The following KAZN variants were observed in gnomAD, a reference collection of about 807,000 sequenced individuals.
KAZN encodes the protein kazrin.
KAZN carries 40 observed loss-of-function variants against 87.4 expected under a neutral mutation model. The ratio of observed to expected loss-of-function variants is 0.46; its 90% CI spans 0.36 to 0.60. The LOEUF is 0.60. Among genes scored for constraint, KAZN ranks in the 20% least tolerant of loss-of-function variants. The pLI, the probability that KAZN is intolerant of heterozygous loss-of-function variation, is 0.00. For synonymous variants in KAZN, 466 were observed against 458.3 expected (o/e 1.02, Z -0.22); for missense variants, 898 against 1,073.9 (o/e 0.84, Z 2.29).
chr1:14,149,399 G>C (rs1645426640), intron 1 of KAZN, among the ~76,000 whole-genome samples: 1 of 151,990 alleles, frequency 6.6e-6, no homozygotes, highest in Non-Finnish European at 1.5e-5. Context: ...GAGCCACCAT[G>C]CCTGGCCACA....
intron 6 of KAZN, chr1:15,060,521 A>T: frequency 1.6e-6 from 1 of 625,202 alleles, no homozygotes; most frequent in South Asian, 2.0e-5. Context: ...CGGGAGGGTG[A>T]GGAGAATCCA....
At chr1:14,830,679 T>C (rs1382831715) in intron 1 of KAZN, among the ~76,000 whole-genome samples, 1 of 150,284 alleles carries the variant, frequency 6.7e-6, no homozygotes, top group African/African-American at 2.5e-5. Context: ...GAAGGGGGAG[T>C]GCTACACACT....
intron 2 of KAZN, among the ~76,000 whole-genome samples, chr1:15,004,875 G>A (rs1668845598): frequency 1.3e-5 from 2 of 152,188 alleles, no homozygotes; most frequent in South Asian, 4.1e-4. Flanking sequence ...GCATGATTGT[G>A]AGGATTAATT....
chr1:15,020,011 C>T (rs569411409), intron 2 of KAZN, among the ~76,000 whole-genome samples: 1 of 152,186 alleles, frequency 6.6e-6, no homozygotes, highest in East Asian at 1.9e-4. Flanking sequence ...TGGACTTGAA[C>T]CCAGGACCAA....
At chr1:14,649,874 G>T (rs140886981) in intron 1 of KAZN, among the ~76,000 whole-genome samples, 3 of 152,166 alleles carry the variant, frequency 2.0e-5, no homozygotes, top group African/African-American at 7.2e-5. Context: ...AATGTAGTGT[G>T]CGTTGGTGGA....
intron 1 of KAZN, among the ~76,000 whole-genome samples, chr1:14,792,606 G>A (rs1000796595): frequency 1.3e-5 from 2 of 152,112 alleles, no homozygotes; most frequent in African/African-American, 4.8e-5. Context: ...ATGGGAGAGG[G>A]TGTGCCAAGC....
At chr1:14,635,046 G>T (rs1679859280) in intron 1 of KAZN, among the ~76,000 whole-genome samples, 1 of 152,152 alleles carries the variant, frequency 6.6e-6, no homozygotes, top group South Asian at 2.1e-4. Flanking sequence ...GGAAGGGAAT[G>T]GTACCCACCC....
chr1:14,183,071 A>G (rs1156356888), intron 2 of KAZN, among the ~76,000 whole-genome samples: 2 of 152,204 alleles, frequency 1.3e-5, no homozygotes, highest in Non-Finnish European at 2.9e-5. Context: ...GAATGAAGTC[A>G]GGCAAAAAGT....
At position 13,966,403 on chromosome 1, in the gene KAZN, C is replaced by T. The variant is rs183381129; in HGVS notation, c.91+72647C>T. 2.5e-4 allele frequency among the ~76,000 whole-genome samples: 38 copies of T among 152,322 alleles called. No homozygotes were observed. In the East Asian group the frequency reaches 4.6e-3, roughly 19 times the overall value. On this transcript the variant is annotated intron_variant, in intron 1 of 16. Coordinates refer to the KAZN transcript ENST00000636203. ...TGGCTCTGACCTGTCTTTACAGTGG[C>T]GGCAGCAGGTCCTCACAGTGCTTTC... is the stretch of plus-strand genomic sequence containing the variant.
intron 2 of KAZN, among the ~76,000 whole-genome samples, chr1:14,364,726 A>AAG: frequency 6.6e-6 from 1 of 152,320 alleles, no homozygotes; most frequent in Middle Eastern, 3.4e-3. Flanking sequence ...CAGAAGGTGA[A>AAG]AGACAAGTTG....
At chr1:14,864,120 T>G (rs1009540672) in intron 1 of KAZN, among the ~76,000 whole-genome samples, 1 of 152,138 alleles carries the variant, frequency 6.6e-6, no homozygotes, top group African/African-American at 2.4e-5. Flanking sequence ...AGATGGAGGA[T>G]TCTACCCCCA....
At position 14,151,910 on chromosome 1, in the gene KAZN, G is replaced by GA. The variant is rs530064606; in HGVS notation, c.92-28517dup. Among the ~76,000 whole-genome samples, 520 of 151,366 alleles carry GA rather than the reference G, an allele frequency of 3.4e-3. 6 individuals are homozygous for GA. Among genetic ancestry groups the GA allele is most frequent in the African/African-American group, 0.012 (499 of 41,340 alleles). ...ACATTATGTAATTACTTGTGGAAAG[G>GA]AAAAAAAATGGAAGGATGATAAAAT... On this transcript the variant is annotated intron_variant, in intron 1 of 16. Transcript: ENST00000636203.
At chr1:14,127,422 G>A (rs1259777827) in intron 1 of KAZN, among the ~76,000 whole-genome samples, 1 of 143,350 alleles carries the variant, frequency 7.0e-6, no homozygotes, top group South Asian at 2.2e-4. Flanking sequence ...TTTGGTCTGA[G>A]TGTGTGTTCT....
At chr1:14,964,904 A>T (rs1232632461) in intron 2 of KAZN, among the ~76,000 whole-genome samples, 1 of 152,222 alleles carries the variant, frequency 6.6e-6, no homozygotes, top group African/African-American at 2.4e-5. Context: ...TTTGGGAAAA[A>T]CGGGGGCTTA....
chr1:14,507,800 T>TA (rs930005965), intron 2 of KAZN, among the ~76,000 whole-genome samples: 5 of 151,666 alleles, frequency 3.3e-5, no homozygotes, highest in East Asian at 1.9e-4. Flanking sequence ...AATTTGATGT[T>TA]AAAAAAATAC....
intron 2 of KAZN, among the ~76,000 whole-genome samples, chr1:14,550,738 TC>T (rs1553187537): frequency 5.3e-5 from 2 of 37,966 alleles, no homozygotes; most frequent in African/African-American, 9.8e-5. Flanking sequence ...TCTCTCTCTC[TC>T]CCCCACCCCG....
At chr1:14,264,775 A>C (rs191294670) in intron 2 of KAZN, among the ~76,000 whole-genome samples, 1 of 152,358 alleles carries the variant, frequency 6.6e-6, no homozygotes, top group Non-Finnish European at 1.5e-5. Context: ...TTCATGCTTC[A>C]AATCAATTTC....
intron 2 of KAZN, among the ~76,000 whole-genome samples, chr1:14,999,851 C>T (rs1042553067): frequency 6.6e-6 from 1 of 152,224 alleles, no homozygotes; most frequent in Non-Finnish European, 1.5e-5. Flanking sequence ...AGGACACCCT[C>T]AGTCTGCCCT....
rs1646101180 is a variant in KAZN, at chr1:14,803,360, C to T, written c.227-157324C>T. Among the ~76,000 whole-genome samples, 3 of 152,312 alleles carry T rather than the reference C, an allele frequency of 2.0e-5. No homozygotes were observed. The South Asian group carries it at 6.2e-4, about 32-fold the overall frequency. ...CGATTGGTGAGTGATCAGTGCCAGACCCGACTGTCCCTCCTGTCCCTGGTG... is the reference window on the plus strand; with the variant it reads ...CGATTGGTGAGTGATCAGTGCCAGATCCGACTGTCCCTCCTGTCCCTGGTG... On this transcript the variant is annotated intron_variant, in intron 1 of 14. Coordinates refer to ENST00000376030, the MANE Select transcript of KAZN (RefSeq NM_201628.3).
Sources: gnomAD v4.1 joint callset for allele counts (sites outside exome capture counted in the v4.1 genomes callset) on GRCh38, gnomAD v4.1.1 for gene constraint, MANE v1.5 for transcripts, NCBI Gene and HGNC (gene_info 2026-07-23, HGNC 2026-07-21) for gene names.